Variants in MKI67 observed in about 807,000 individuals in gnomAD.
MKI67 encodes marker of proliferation Ki-67.
In MKI67, 152 loss-of-function variants were observed where a neutral mutation model predicts 233.5. The ratio of observed to expected loss-of-function variants is 0.65; its 90% CI spans 0.57 to 0.74. The LOEUF is 0.74. Ranked by LOEUF, MKI67 falls within the 30% of genes least tolerant of loss-of-function variation. MKI67 has a pLI of 0.00. For missense variants in MKI67, 3,940 were observed against 3,885.2 expected, an observed-to-expected ratio of 1.01 and a Z score of -0.37; for synonymous variants, 1,465 against 1,418.5, an observed-to-expected ratio of 1.03 and a Z score of -0.74.
Position 128,125,597 on chromosome 10 carries a change from A to T in MKI67, c.71T>A (p.Leu24His), listed in dbSNP as rs948291333. Residue 24 changes from leucine (L) to histidine (H), a missense_variant, in exon 2 of 15, where the codon CTC becomes CAC. Physicochemically the swap from Leu to His is moderately conservative, Grantham distance 99. Transcript: ENST00000368654. This position sits in a 1 kb window ranked among gnomAD's most constrained non-coding sequence, Gnocchi z 5.3. ...GVDGPHFPLS[L>H]STCLFGRGIE... ...TCACCTTCCAAACAAGCAGGTGCTG[A>T]GGCTCAGGGGAAAGTGGGGACCGTC... 6.2e-7 allele frequency: 1 copy of T among 1,613,336 alleles called. No individual in the cohort carries two copies. The highest frequency in any genetic ancestry group is 8.5e-7 in the Non-Finnish European group (1 of 1,179,776).
Position 128,122,890 on chromosome 10 carries a change from C to T in MKI67, c.278G>A (p.Arg93His), listed in dbSNP as rs369523885. The change falls in exon 4 of 15, where the codon CGT becomes CAT. Residue 93 changes from arginine to histidine, a missense_variant. Arg to His is a conservative substitution (Grantham distance 29, BLOSUM62 0). Transcript: ENST00000368654. ...KHGDVITIID[R>H]SFRYENESLQ... ...ATCAGCTTTTACCTACCTGAAGGAA[C>T]GATCAATAATAGTTATTACATCTCC... 4.7e-5 allele frequency: 72 copies of T among 1,545,396 alleles called. No homozygotes were observed. In the East Asian group the frequency reaches 9.3e-4, roughly 20 times the overall value.
At position 128,108,601 on chromosome 10, in the gene MKI67, G is replaced by T. The variant is rs772177571; in HGVS notation, c.3239C>A (p.Ala1080Asp). The change falls in exon 13 of 15, where the codon GCC becomes GAC. Residue 1080 changes from alanine to aspartate, a missense_variant. Ala to Asp is a moderately radical substitution (Grantham distance 126, BLOSUM62 -2). Transcript: ENST00000368654. ...CCACTTCTTCATTCCAGTTACACGG[G>T]CTGCTGGGTCCAGGATCTGCTTTGG... is the stretch of plus-strand genomic sequence containing the variant. ...ESPKQILDPAARVTGMKKWPR... is the reference protein window; with the variant it reads ...ESPKQILDPADRVTGMKKWPR... 1 of 1,614,140 alleles carries T rather than the reference G, an allele frequency of 6.2e-7. No homozygotes were observed. The highest frequency in any genetic ancestry group is 1.3e-5 in the African/African-American group (1 of 75,034).
Position 128,099,210 on chromosome 10 carries a change from T to C in MKI67, c.9751A>G (p.Arg3251Gly). The C allele has an allele frequency of 1.2e-6, 2 of 1,613,238 alleles. No homozygotes were observed. The highest frequency in any genetic ancestry group is 4.5e-5 in the East Asian group (2 of 44,842). Residue 3251 changes from arginine (R) to glycine (G), a missense_variant, in exon 15 of 15, where the codon AGG becomes GGG. Physicochemically the swap from Arg to Gly is moderately radical, Grantham distance 125 (BLOSUM62 -2). Transcript: ENST00000368654. Reference protein sequence around the residue: ...CVKKIRTRSHRDSEDI With the variant: ...CVKKIRTRSHGDSEDI ...TTCTGTCAAATATCTTCACTGTCCC[T>C]ATGACTTCTGGTTCTTATTTTCTTG... is the stretch of plus-strand genomic sequence containing the variant.
chr10:128,115,488 G>A lies in MKI67; in HGVS notation c.920C>T (p.Ala307Val), dbSNP rs1333993512. ...GGSGHAVAEP[A>V]SPEQELDQNK... ...CTGGTCAAGCTCTTGTTCAGGTGAAGCAGGCTCTGCCACAGCGTGGCCGCT... is the reference window on the plus strand; with the variant it reads ...CTGGTCAAGCTCTTGTTCAGGTGAAACAGGCTCTGCCACAGCGTGGCCGCT... Residue 307 changes from alanine (A) to valine (V), a missense_variant, in exon 7 of 15, where the codon GCT (alanine) becomes GTT (valine). By Grantham distance (64) the Ala-to-Val change is moderately conservative. Transcript: ENST00000368654. The A allele has an allele frequency of 6.2e-7, 1 of 1,614,048 alleles. No homozygotes were observed. Among genetic ancestry groups the A allele is most frequent in the South Asian group, 1.1e-5 (1 of 91,062 alleles).
rs767120766 is a variant in MKI67 at position 128,115,424 on chromosome 10, A to C, written c.984T>G (p.Thr328=). The change falls in exon 7 of 15, where the codon ACT becomes ACG. Residue 328 remains threonine, a synonymous_variant. Coordinates refer to ENST00000368654, the MANE Select transcript of MKI67 (RefSeq NM_002417.5). ...GKGRDVESVQ[T]PSKAVGASFP... is the part of the protein sequence containing the mutation. ...AGCTGGCGCCCACAGCCTTGCTGGG[A>C]GTCTGAACAGACTCCACGTCTCTTC... is the stretch of plus-strand genomic sequence containing the variant. 35 of 1,613,940 alleles carry C rather than the reference A, an allele frequency of 2.2e-5. No homozygotes were observed. Among genetic ancestry groups the C allele is most frequent in the Non-Finnish European group, 2.8e-5 (33 of 1,180,008 alleles).
At position 128,115,071 on chromosome 10, in the gene MKI67, GT is replaced by G. The variant is rs976071987; in HGVS notation, c.1336del (p.Thr446LeufsTer56). On this transcript the variant is annotated frameshift_variant, in exon 7 of 15. Transcript: ENST00000368654. LOFTEE classifies it high-confidence loss of function. ...CCTCTCAACTTGAGTGAGCCACAGA[GT>G]TAAAAATGGCTCATTGTGAATTTCA... ...ETEIHNEPFL[T>X]LWLTQVERKI... The G allele has an allele frequency of 5.0e-6, 8 of 1,613,810 alleles. No homozygotes were observed. In the Admixed American group the frequency reaches 1.2e-4, roughly 24 times the overall value.
At chr10:128,123,297 C>A in intron 2 of MKI67, 128 bp from the exon 3 acceptor site, 1 of 671,948 alleles carries the variant, frequency 1.5e-6, no homozygotes, top group East Asian at 2.7e-5. Flanking sequence ...GAGTAACAAA[C>A]AAAATGGGCA....
rs775291496 is a variant in MKI67, at chr10:128,109,113, C to G, written c.2727G>C (p.Gln909His). 12 of 1,614,072 alleles carry G rather than the reference C, an allele frequency of 7.4e-6. No individual in the cohort carries two copies. The Admixed American group carries it at 2.0e-4, about 27-fold the overall frequency. ...EIVECILKRG[Q>H]KATLLQQRRE... The stretch of plus-strand genomic sequence containing the variant: ...TCCTTTGTTGTAGTAGTGTTGCCTT[C>G]TGACCTCTTTTTAGGATGCACTCAA... The change falls in exon 13 of 15, where the codon CAG (glutamine) becomes CAC (histidine). Residue 909 changes from glutamine to histidine, a missense_variant. Gln to His is a conservative substitution (Grantham distance 24, BLOSUM62 0). Coordinates refer to ENST00000368654, the MANE Select transcript of MKI67 (RefSeq NM_002417.5).
At position 128,098,173 on chromosome 10, in the gene MKI67, A is replaced by G. The variant is rs1045633195; in HGVS notation, c.*1017T>C. ...TGAAGATGAACGAGTTATATCTACA[A>G]GTCTGAAGCTGGAGAAAGATGTCTG... On this transcript the variant is annotated 3_prime_UTR_variant, in exon 15 of 15. Coordinates refer to ENST00000368654, the MANE Select transcript of MKI67 (RefSeq NM_002417.5). 2.0e-5 allele frequency: 3 copies of G among 152,260 alleles called. No homozygotes were observed. The highest frequency in any genetic ancestry group is 7.2e-5 in the African/African-American group (3 of 41,470). The allele number at this position is 152,260 out of a possible 1,614,324, so 9.4% of individuals were successfully genotyped here. A position where few individuals can be genotyped will look rare whatever the true frequency, so the allele number is the denominator to read the frequency against.
chr10:128,107,543 C>T lies in MKI67; in HGVS notation c.4297G>A (p.Ala1433Thr), dbSNP rs575749754. ...VPGGEDKSINAFRETAKQKLD... is the reference protein window; with the variant it reads ...VPGGEDKSINTFRETAKQKLD... ...TTCTGTTTTGCAGTTTCCCTAAACG[C>T]GTTGATGCTTTTATCCTCACCTCCT... The change falls in exon 13 of 15, where the codon GCG (alanine) becomes ACG (threonine). Residue 1433 changes from alanine (A) to threonine (T), a missense_variant. Transcript: ENST00000368654. 4.7e-5 allele frequency: 76 copies of T among 1,614,042 alleles called. No individual in the cohort carries two copies. The East Asian group carries it at 1.3e-3, about 28-fold the overall frequency.
chr10:128,104,374 A>T lies in MKI67; in HGVS notation c.7466T>A (p.Val2489Glu). The T allele has an allele frequency of 2.5e-6, 4 of 1,614,024 alleles. No individual in the cohort carries two copies. Among genetic ancestry groups the T allele is most frequent in the Non-Finnish European group, 3.4e-6 (4 of 1,180,016 alleles). ...KQRLKIPLVK[V>E]DMKEEPLAVS... ...TGCTAGGGGCTCTTCTTTCATGTCC[A>T]CTTTCACCAGGGGTATCTTGAGCCT... The change falls in exon 13 of 15, where the codon GTG (valine) becomes GAG (glutamate). Residue 2489 changes from valine (V) to glutamate (E), a missense_variant. Physicochemically the swap from Val to Glu is moderately radical, Grantham distance 121. Coordinates refer to ENST00000368654, the MANE Select transcript of MKI67 (RefSeq NM_002417.5).
Position 128,113,533 on chromosome 10 carries a change from A to C in MKI67, c.1550T>G (p.Phe517Cys). 6.2e-7 allele frequency: 1 copy of C among 1,614,172 alleles called. No homozygotes were observed. Among genetic ancestry groups the C allele is most frequent in the Non-Finnish European group, 8.5e-7 (1 of 1,180,026 alleles). Residue 517 changes from phenylalanine to cysteine, a missense_variant, in exon 8 of 15, where the codon TTT becomes TGT. Physicochemically the swap from Phe to Cys is radical, Grantham distance 205. Transcript: ENST00000368654. ...CGTATTAGGAGGCAAGTTTTCATCA[A>C]ATAGTTCAGGTCTTAGGTGCCCACC... The part of the protein sequence containing the change: ...SFGGHLRPEL[F>C]DENLPPNTPL...
Position 128,108,060 on chromosome 10 carries a change from G to A in MKI67, c.3780C>T (p.Asp1260=). The change falls in exon 13 of 15, where the codon GAC becomes GAT. Residue 1260 remains aspartate, a synonymous_variant. Coordinates refer to ENST00000368654, the MANE Select transcript of MKI67 (RefSeq NM_002417.5). ...GTCGTTGCTTTGTGCTTGTTGGGGTGTCCACTGGGTCTGACTGTGGAGAGT... is the reference window on the plus strand; with the variant it reads ...GTCGTTGCTTTGTGCTTGTTGGGGTATCCACTGGGTCTGACTGTGGAGAGT... The part of the protein sequence containing the change: ...PCDSPQSDPV[D]TPTSTKQRPK... 6.2e-7 allele frequency: 1 copy of A among 1,613,850 alleles called. No homozygotes were observed. The highest frequency in any genetic ancestry group is 8.5e-7 in the Non-Finnish European group (1 of 1,180,006).
rs1265649268 is a variant in MKI67, at chr10:128,099,215, C to T, written c.9746G>A (p.Ser3249Asn). The change falls in exon 15 of 15, where the codon AGT becomes AAT. Residue 3249 changes from serine (S) to asparagine (N), a missense_variant. By Grantham distance (46) the Ser-to-Asn change is conservative. Coordinates refer to ENST00000368654, the MANE Select transcript of MKI67 (RefSeq NM_002417.5). ...TCAAATATCTTCACTGTCCCTATGA[C>T]TTCTGGTTCTTATTTTCTTGACACA... ...NVCVKKIRTR[S>N]HRDSEDI is the part of the protein sequence containing the mutation. 1 of 1,613,372 alleles carries T rather than the reference C, an allele frequency of 6.2e-7. No homozygotes were observed. Among genetic ancestry groups the T allele is most frequent in the Non-Finnish European group, 8.5e-7 (1 of 1,179,764 alleles).
chr10:128,105,616 T>A lies in MKI67; in HGVS notation c.6224A>T (p.Asp2075Val). 1 of 1,613,748 alleles carries A rather than the reference T, an allele frequency of 6.2e-7. No homozygotes were observed. The highest frequency in any genetic ancestry group is 8.5e-7 in the Non-Finnish European group (1 of 1,179,954). Residue 2075 changes from aspartate (D) to valine (V), a missense_variant, in exon 13 of 15, where the codon GAC becomes GTC. By Grantham distance (152) the Asp-to-Val change is radical (BLOSUM62 -3). Coordinates refer to ENST00000368654, the MANE Select transcript of MKI67 (RefSeq NM_002417.5). ...GAAGAGCTCTTTGAAGCCGGCCAGG[T>A]CTTCTAGTGATTGGGCCTCTTCCTT... ...TPKEEAQSLEDLAGFKELFQT... is the reference protein window; with the variant it reads ...TPKEEAQSLEVLAGFKELFQT...
At chr10:128,124,825 C>T (rs1853020995) in intron 2 of MKI67, among the ~76,000 whole-genome samples, 1 of 152,136 alleles carries the variant, frequency 6.6e-6, no homozygotes, top group Non-Finnish European at 1.5e-5. Flanking sequence ...TTGTAAACTT[C>T]CAAGTGTGTA....
Position 128,104,452 on chromosome 10 carries a change from G to C in MKI67, c.7388C>G (p.Ser2463Cys). Residue 2463 changes from serine to cysteine, a missense_variant, in exon 13 of 15, where the codon TCC becomes TGC. Transcript: ENST00000368654. ...TGACTCTGGCTGTGGAGATTTACAGGATACTTCTGTGATTTTGTCATCAGT... is the reference window on the plus strand; with the variant it reads ...TGACTCTGGCTGTGGAGATTTACAGCATACTTCTGTGATTTTGTCATCAGT... ...SMTDDKITEV[S>C]CKSPQPESFK... 1 of 1,613,824 alleles carries C rather than the reference G, an allele frequency of 6.2e-7. No individual in the cohort carries two copies. The highest frequency in any genetic ancestry group is 8.5e-7 in the Non-Finnish European group (1 of 1,179,990).
In MKI67 at chr10:128,115,342, T is replaced by C. The variant is rs1199662765; in HGVS notation, c.1066A>G (p.Asn356Asp). The change falls in exon 7 of 15, where the codon AAT becomes GAT. Residue 356 changes from asparagine (N) to aspartate (D), a missense_variant. Asn to Asp is a conservative substitution (Grantham distance 23, BLOSUM62 1). Coordinates refer to ENST00000368654, the MANE Select transcript of MKI67 (RefSeq NM_002417.5). Reference sequence around the variant, plus strand: ...TTGTTCTTATGTTTTTGTGGAGAATTTTGTTGCTGTGAATATTGTACAGGG... The same window carrying C: ...TTGTTCTTATGTTTTTGTGGAGAATCTTGTTGCTGTGAATATTGTACAGGG... ...KTPVQYSQQQ[N>D]SPQKHKNKDL... 1 of 1,614,018 alleles carries C rather than the reference T, an allele frequency of 6.2e-7. No homozygotes were observed. Among genetic ancestry groups the C allele is most frequent in the Non-Finnish European group, 8.5e-7 (1 of 1,180,030 alleles).
In MKI67 at chr10:128,107,465, C is replaced by T. The variant is rs2136135387; in HGVS notation, c.4375G>A (p.Glu1459Lys). 6.2e-7 allele frequency: 1 copy of T among 1,613,924 alleles called. No homozygotes were observed. The highest frequency in any genetic ancestry group is 2.2e-5 in the East Asian group (1 of 44,878). ...AGGTCTTCTAGGGGTTGGGCCTTTT[C>T]CTTAGTTTTTGGGTGCCTCTTGCTA... ...TGSKRHPKTKEKAQPLEDLAG... is the reference protein window; with the variant it reads ...TGSKRHPKTKKKAQPLEDLAG... Residue 1459 changes from glutamate (E) to lysine (K), a missense_variant, in exon 13 of 15, where the codon GAA becomes AAA. Transcript: ENST00000368654.
Sources: allele counts gnomAD v4.1 joint callset (sites outside exome capture counted in the v4.1 genomes callset), GRCh38; gene constraint gnomAD v4.1.1; non-coding constraint Gnocchi (gnomAD v3.1); transcripts MANE v1.5; gene names NCBI Gene and HGNC (gene_info 2026-07-23, HGNC 2026-07-21).